The following WDR27 variants were observed in gnomAD, a reference collection of about 807,000 sequenced individuals.
WDR27 encodes WD repeat domain 27.
In WDR27, 100 loss-of-function variants were observed where a neutral mutation model predicts 114.4. The ratio of observed to expected loss-of-function variants is 0.87; its 90% CI spans 0.74 to 1.03. The LOEUF (loss-of-function observed/expected upper bound fraction) is 1.03, where lower values mean the gene tolerates loss of function less well. WDR27 is among the 50% of genes least tolerant of loss of function. WDR27 has a pLI of 0.00. For missense variants in WDR27, 1,129 were observed against 1,092.9 expected, an observed-to-expected ratio of 1.03 and a Z score of -0.47; for synonymous variants, 449 against 423.1, an observed-to-expected ratio of 1.06 and a Z score of -0.75.
At chr6:169,577,683 C>T (rs955153881) in intron 24 of WDR27, among the ~76,000 whole-genome samples, 5 of 152,228 alleles carry the variant, frequency 3.3e-5, no homozygotes, top group African/African-American at 7.2e-5. Flanking sequence ...GTCGGGAAAC[C>T]GGCCTTTTCC....
At chr6:169,647,264 G>A (rs925980859) in intron 16 of WDR27, among the ~76,000 whole-genome samples, 2 of 152,196 alleles carry the variant, frequency 1.3e-5, no homozygotes, top group African/African-American at 2.4e-5. Context: ...CACGGAAGCC[G>A]AGACACACTC....
chr6:169,481,878 C>CTA (rs1788192355), intron 25 of WDR27, among the ~76,000 whole-genome samples: 1 of 152,222 alleles, frequency 6.6e-6, no homozygotes, highest in African/African-American at 2.4e-5. Context: ...AAAACTGTAA[C>CTA]ACTCACTGTG....
intron 25 of WDR27, among the ~76,000 whole-genome samples, chr6:169,513,814 T>C (rs1338879811): frequency 3.3e-5 from 5 of 151,874 alleles, no homozygotes; most frequent in Non-Finnish European, 7.4e-5. Flanking sequence ...CCTCTGCCAA[T>C]CCCTGTGCCA....
At chr6:169,584,578 G>C (rs1414552850) in intron 23 of WDR27, among the ~76,000 whole-genome samples, 1 of 152,156 alleles carries the variant, frequency 6.6e-6, no homozygotes, top group Non-Finnish European at 1.5e-5. Context: ...GCTATCTCTT[G>C]TCTTTTTGAT....
At chr6:169,449,043 G>A in the WDR27 span, among the ~76,000 whole-genome samples, 4 of 152,180 alleles carry the variant, frequency 2.6e-5, no homozygotes, top group African/African-American at 4.8e-5. Context: ...TATTTTCTAC[G>A]TTTAGTCAAA....
intron 23 of WDR27, 148 bp downstream of exon 23, chr6:169,602,071 A>G (rs1211990646): frequency 4.1e-6 from 2 of 484,728 alleles, no homozygotes; most frequent in African/African-American, 1.9e-5. Flanking sequence ...ACATTATTAA[A>G]ATGCTATTAC....
intron 25 of WDR27, among the ~76,000 whole-genome samples, chr6:169,554,847 A>C (rs1798651600): frequency 6.6e-6 from 1 of 152,244 alleles, no homozygotes; most frequent in Non-Finnish European, 1.5e-5. Context: ...ATGTTTTAAA[A>C]GTAAATTGAC....
rs755458069 is a variant in WDR27 at position 169,647,792 on chromosome 6, T to TAA, written c.1637_1638insTT (p.Cys547TyrfsTer29). ...GCGCACCTGAGTACTGGATGCAGCA[T>TAA]ACACGTGTGCAGGTGGGGGCGGCAG... On this transcript the variant is annotated frameshift_variant, in exon 16 of 26. Coordinates refer to ENST00000448612, the MANE Select transcript of WDR27 (RefSeq NM_182552.5). LOFTEE classifies it high-confidence loss of function. 5.1e-6 allele frequency: 8 copies of TAA among 1,584,044 alleles called. No homozygotes were observed. In the South Asian group the frequency reaches 9.3e-5, roughly 18 times the overall value.
chr6:169,452,681 C>A (rs1288169530), downstream of WDR27, among the ~76,000 whole-genome samples: 1 of 152,196 alleles, frequency 6.6e-6, no homozygotes, highest in Admixed American at 6.5e-5. Context: ...AAAGCCAGGG[C>A]TGGAGAGGGG....
chr6:169,479,689 A>C (rs1426183798), intron 25 of WDR27, among the ~76,000 whole-genome samples: 1 of 152,264 alleles, frequency 6.6e-6, no homozygotes, highest in East Asian at 1.9e-4. Context: ...ACTTATCAGC[A>C]TTCTGTCAAT....
rs542206461 is a variant in WDR27 at position 169,457,710 on chromosome 6, A to G, written c.2646-76T>C. The G allele has an allele frequency of 3.5e-6, 4 of 1,150,724 alleles. No homozygotes were observed. The South Asian group carries it at 4.3e-5, about 12-fold the overall frequency. 71.3% of individuals were successfully genotyped at this position (1,150,724 alleles called of 1,614,324 possible). A position where few individuals can be genotyped will look rare whatever the true frequency, so the allele number is the denominator to read the frequency against. Reference sequence around the variant, plus strand: ...GATAACTCTATAAGAAAATAAGCCCAAAGTGTGTTATTTTCCTTATTTTTA... The same window carrying G: ...GATAACTCTATAAGAAAATAAGCCCGAAGTGTGTTATTTTCCTTATTTTTA... On this transcript the variant is annotated intron_variant, in intron 25 of 25. Coordinates refer to ENST00000448612, the MANE Select transcript of WDR27 (RefSeq NM_182552.5).
intron 21 of WDR27, among the ~76,000 whole-genome samples, chr6:169,617,833 A>G (rs2473439): frequency 0.97 from 147,315 of 152,320 alleles, 71,270 homozygotes; most frequent in African/African-American, 0.99. Context: ...CACAACTGCC[A>G]GTATTCGCGT....
intron 22 of WDR27, among the ~76,000 whole-genome samples, chr6:169,610,521 C>T (rs1810279594): frequency 6.6e-6 from 1 of 152,134 alleles, no homozygotes; most frequent in African/African-American, 2.4e-5. Context: ...TATTCACTAC[C>T]ACAAGAACAG....
At chr6:169,453,001 C>A (rs1284498775), downstream of WDR27, among the ~76,000 whole-genome samples, 1 of 152,172 alleles carries the variant, frequency 6.6e-6, no homozygotes, top group Non-Finnish European at 1.5e-5. Context: ...CCCTGGTCTC[C>A]CAGGCACAAG....
chr6:169,588,852 G>T (rs1434557280), intron 23 of WDR27, among the ~76,000 whole-genome samples: 3 of 152,130 alleles, frequency 2.0e-5, no homozygotes, highest in Non-Finnish European at 4.4e-5. Context: ...ACGGACCAAG[G>T]TGCATCCATA....
At chr6:169,538,189 C>A (rs1796409916) in intron 25 of WDR27, among the ~76,000 whole-genome samples, 1 of 152,136 alleles carries the variant, frequency 6.6e-6, no homozygotes, top group African/African-American at 2.4e-5. Flanking sequence ...TTAAGTCTGG[C>A]AGGATCCTGA....
At chr6:169,511,859 T>A (rs1471050673) in intron 25 of WDR27, among the ~76,000 whole-genome samples, 2 of 152,192 alleles carry the variant, frequency 1.3e-5, no homozygotes, top group Non-Finnish European at 2.9e-5. Flanking sequence ...TGTTTTATAA[T>A]CTTTAAACAA....
chr6:169,631,645 T>A (rs563484341), intron 21 of WDR27, among the ~76,000 whole-genome samples: 1 of 152,148 alleles, frequency 6.6e-6, no homozygotes, highest in South Asian at 2.1e-4. Context: ...CAGACCGACA[T>A]GCAGGGAGAC....
At chr6:169,444,669 GT>G in the WDR27 span, among the ~76,000 whole-genome samples, 1,910 of 138,706 alleles carry the variant, frequency 0.014, 30 homozygotes, top group African/African-American at 0.041. Context: ...CTGTTTTTTT[GT>G]TTTTTTTTTT....
Sources: gnomAD v4.1 joint callset for allele counts (sites outside exome capture counted in the v4.1 genomes callset) on GRCh38, gnomAD v4.1.1 for gene constraint, MANE v1.5 for transcripts, NCBI Gene and HGNC (gene_info 2026-07-23, HGNC 2026-07-21) for gene names.